LDLRAD4: variants seen among roughly 807,000 people sequenced by gnomAD.
LDLRAD4 encodes the protein low-density lipoprotein receptor class A domain-containing protein 4.
Under a neutral mutation model 17.0 loss-of-function variants are expected in LDLRAD4, and 5 were observed. The ratio of observed to expected loss-of-function variants is 0.29; its 90% CI spans 0.15 to 0.62. LDLRAD4 has a LOEUF of 0.62. Ranked by LOEUF, LDLRAD4 falls within the 20% of genes least tolerant of loss-of-function variation. The pLI is 0.84. For missense variants in LDLRAD4, 340 were observed against 424.7 expected (o/e 0.80, Z 1.75); for synonymous variants, 168 against 171.8 (o/e 0.98, Z 0.17).
At chr18:13,591,458 G>C (rs957314269) in intron 3 of LDLRAD4, among the ~76,000 whole-genome samples, 1 of 152,012 alleles carries the variant, frequency 6.6e-6, no homozygotes, top group African/African-American at 2.4e-5. Context: ...GTCTCTGTGT[G>C]TGTGTGTCTG....
intron 4 of LDLRAD4, among the ~76,000 whole-genome samples, chr18:13,636,482 GTTGTTTTTGTTT>G (rs372679020): frequency 2.6e-5 from 4 of 151,390 alleles, no homozygotes; most frequent in Non-Finnish European, 5.9e-5. Context: ...ATGTTATAAA[GTTGTTTTTGTTT>G]TTGTTTTTGT....
At chr18:13,394,723 G>A (rs1258223585) in intron 2 of LDLRAD4, among the ~76,000 whole-genome samples, 1 of 152,230 alleles carries the variant, frequency 6.6e-6, no homozygotes, top group African/African-American at 2.4e-5. Flanking sequence ...GTAAGTATGA[G>A]CATTGTTTGA....
At chr18:13,282,012 C>G (rs569849849) in intron 1 of LDLRAD4, among the ~76,000 whole-genome samples, 1 of 152,124 alleles carries the variant, frequency 6.6e-6, no homozygotes, top group Non-Finnish European at 1.5e-5. Flanking sequence ...TCTTACATGG[C>G]GGCAGCAAGA....
At chr18:13,418,197 A>G (rs2089107818) in intron 2 of LDLRAD4, among the ~76,000 whole-genome samples, 2 of 151,682 alleles carry the variant, frequency 1.3e-5, no homozygotes, top group South Asian at 2.1e-4. Context: ...CCAACTCCCA[A>G]CTCAACCCTG....
Position 13,428,037 on chromosome 18 carries a change from C to T in LDLRAD4, c.41-10207C>T, listed in dbSNP as rs192028231. 7.9e-4 allele frequency among the ~76,000 whole-genome samples: 121 copies of T among 152,240 alleles called. 1 individual carries two copies. The highest frequency in any genetic ancestry group is 1.9e-3 in the South Asian group (9 of 4,824). ...GTAATAATACTGATTGATTGCTGGC[C>T]ATGTACCACACTCTGGGGACTCATT... On this transcript the variant is annotated intron_variant, in intron 2 of 5. Transcript: ENST00000359446.
chr18:13,384,846 A>G (rs1031756648), intron 1 of LDLRAD4, among the ~76,000 whole-genome samples: 11 of 152,244 alleles, frequency 7.2e-5, no homozygotes, highest in African/African-American at 2.2e-4. Flanking sequence ...ATAGTACTCC[A>G]TTGTGTATGC....
chr18:13,594,455 C>T (rs2095066510), intron 3 of LDLRAD4, among the ~76,000 whole-genome samples: 1 of 151,850 alleles, frequency 6.6e-6, no homozygotes, highest in Non-Finnish European at 1.5e-5. Flanking sequence ...CTTTGGAGGC[C>T]AAGGCGGACG....
In LDLRAD4 at chr18:13,535,356, G is replaced by A. The variant is rs531654961; in HGVS notation, c.182-85761G>A. ...GATATTATCAGTCCTTTTACCTTTA[G>A]TCATTCTGGTGGTTGTGTAGTGCAT... On this transcript the variant is annotated intron_variant, in intron 3 of 5. Coordinates refer to ENST00000359446, the Ensembl canonical transcript of LDLRAD4. Among the ~76,000 whole-genome samples, 8 of 152,202 alleles carry A rather than the reference G, an allele frequency of 5.3e-5. No homozygotes were observed. The South Asian group carries it at 1.5e-3, about 28-fold the overall frequency.
chr18:13,629,850 T>G (rs2041507178), intron 4 of LDLRAD4, among the ~76,000 whole-genome samples: 1 of 151,018 alleles, frequency 6.6e-6, no homozygotes, highest in African/African-American at 2.5e-5. Flanking sequence ...TTGGGGAGGC[T>G]CACCAGGCTG....
At chr18:13,507,622 C>T (rs948749386) in intron 3 of LDLRAD4, among the ~76,000 whole-genome samples, 1 of 152,196 alleles carries the variant, frequency 6.6e-6, no homozygotes, top group African/African-American at 2.4e-5. Flanking sequence ...CTGCTATAAA[C>T]ATGCATGCAT....
At chr18:13,329,057 A>G (rs1243231297) in intron 1 of LDLRAD4, among the ~76,000 whole-genome samples, 1 of 152,234 alleles carries the variant, frequency 6.6e-6, no homozygotes, top group Non-Finnish European at 1.5e-5. Flanking sequence ...TTGAATGGAT[A>G]CACCAGATTT....
intron 3 of LDLRAD4, among the ~76,000 whole-genome samples, chr18:13,550,767 A>G (rs1016675615): frequency 1.3e-5 from 2 of 152,160 alleles, no homozygotes; most frequent in Admixed American, 1.3e-4. Flanking sequence ...AGAGCCTGGG[A>G]AGAGCGAGAC....
At chr18:13,594,152 T>C (rs1050651673) in intron 3 of LDLRAD4, among the ~76,000 whole-genome samples, 1 of 151,396 alleles carries the variant, frequency 6.6e-6, no homozygotes, top group Non-Finnish European at 1.5e-5. Flanking sequence ...GTCTCCAGAG[T>C]GGTGATGTGA....
chr18:13,503,725 C>T (rs1289754447), intron 3 of LDLRAD4, among the ~76,000 whole-genome samples: 1 of 151,310 alleles, frequency 6.6e-6, no homozygotes, highest in African/African-American at 2.4e-5. Flanking sequence ...TTTGGGCAGG[C>T]CTCATAGGCT....
At chr18:13,381,097 A>T (rs2085328392) in intron 1 of LDLRAD4, among the ~76,000 whole-genome samples, 1 of 47,882 alleles carries the variant, frequency 2.1e-5, no homozygotes, top group African/African-American at 6.1e-5. Context: ...TTTTTTGAAG[A>T]GACAGGGTCT....
At chr18:13,566,297 C>G (rs2094600285) in intron 3 of LDLRAD4, among the ~76,000 whole-genome samples, 1 of 151,966 alleles carries the variant, frequency 6.6e-6, no homozygotes, top group Non-Finnish European at 1.5e-5. Context: ...GAGGAGAAGC[C>G]AACACCCATC....
chr18:13,290,103 G>A (rs751684192), intron 1 of LDLRAD4, among the ~76,000 whole-genome samples: 5 of 152,192 alleles, frequency 3.3e-5, no homozygotes, highest in South Asian at 2.1e-4. Context: ...TGGAGGAGCC[G>A]GCAGGGCCTG....
rs535220848 is a variant in LDLRAD4, at chr18:13,442,837, G to C, written c.181+4453G>C. Among the ~76,000 whole-genome samples, 31 of 152,326 alleles carry C rather than the reference G, an allele frequency of 2.0e-4. No individual in the cohort carries two copies. In the South Asian group the frequency reaches 6.2e-3, roughly 31 times the overall value. On this transcript the variant is annotated intron_variant, in intron 3 of 5. Transcript: ENST00000359446. ...AAAGCCTTGGTGAGCACAGACCCCCGAAGCCAGCGCTGCTGAGGGATTCTC... is the reference window on the plus strand; with the variant it reads ...AAAGCCTTGGTGAGCACAGACCCCCCAAGCCAGCGCTGCTGAGGGATTCTC...
intron 4 of LDLRAD4, among the ~76,000 whole-genome samples, chr18:13,634,634 A>G (rs1177258217): frequency 2.6e-5 from 4 of 152,236 alleles, no homozygotes; most frequent in Non-Finnish European, 5.9e-5. Flanking sequence ...TTAAGATGTT[A>G]GTACTACTAA....
Sources: gnomAD v4.1 joint callset for allele counts (sites outside exome capture counted in the v4.1 genomes callset) on GRCh38, gnomAD v4.1.1 for gene constraint, MANE v1.5 for transcripts, NCBI Gene and HGNC (gene_info 2026-07-23, HGNC 2026-07-21) for gene names.